The following CAGE1 variants were observed in gnomAD, a reference collection of about 807,000 sequenced individuals.
CAGE1 encodes the protein cancer-associated gene 1 protein.
A neutral mutation model predicts 94.9 loss-of-function variants in CAGE1; 66 were observed. The observed-to-expected ratio is 0.70, with a 90% CI of 0.57 to 0.85. CAGE1 has a LOEUF of 0.85. CAGE1 is among the 40% of genes least tolerant of loss of function. The pLI is 0.00. For synonymous variants in CAGE1, 319 were observed against 321.0 expected (o/e 0.99, Z 0.07); for missense variants, 865 against 950.4 (o/e 0.91, Z 1.18).
At chr6:7,388,478 G>A (rs1205831211) in intron 1 of CAGE1, among the ~76,000 whole-genome samples, 2 of 152,138 alleles carry the variant, frequency 1.3e-5, no homozygotes, top group Non-Finnish European at 1.5e-5. Context: ...AAGGGTGTTA[G>A]TGTTTGTGTT....
In CAGE1 at chr6:7,338,999, C is replaced by T. The variant is rs1462275323; in HGVS notation, c.2370-4909G>A. 9.3e-6 allele frequency: 15 copies of T among 1,606,998 alleles called. No individual in the cohort carries two copies. The Admixed American group carries it at 2.5e-4, about 27-fold the overall frequency. ...CAATCTTACCAGTTGGGTCCCAGGG[C>T]AGCATGATCTTCACCTTGATGCCCA... On this transcript the variant is annotated intron_variant, in intron 11 of 13. Transcript: ENST00000502583.
intron 11 of CAGE1, chr6:7,341,215 G>T (rs1349028431): frequency 4.5e-6 from 3 of 664,550 alleles, no homozygotes; most frequent in South Asian, 1.4e-5. Flanking sequence ...CTTGTGCTAG[G>T]TGATGCCAGA....
At chr6:7,377,619 C>T (rs1202341496) in intron 4 of CAGE1, among the ~76,000 whole-genome samples, 1 of 152,076 alleles carries the variant, frequency 6.6e-6, no homozygotes, top group Non-Finnish European at 1.5e-5. Flanking sequence ...CGCTTATAAT[C>T]CTAGCTACTC....
intron 11 of CAGE1, among the ~76,000 whole-genome samples, chr6:7,344,453 G>C (rs768634045): frequency 6.6e-6 from 1 of 152,236 alleles, no homozygotes; most frequent in Non-Finnish European, 1.5e-5. Flanking sequence ...CTGCCTTCCC[G>C]CAGGGCAGGA....
In CAGE1 at chr6:7,328,908, GTGTGTGTGTGTA is replaced by G. The variant is rs1179299359; in HGVS notation, c.2478+929_2478+940del. ...TGTGTGTGTGTGTGTGTGTGTGTGT[GTGTGTGTGTGTA>G]TATATATATATATATTTTTTTTTTT... is the stretch of plus-strand genomic sequence containing the variant. On this transcript the variant is annotated intron_variant, in intron 13 of 13. Transcript: ENST00000502583. Among the ~76,000 whole-genome samples, 153 of 83,014 alleles carry G rather than the reference GTGTGTGTGTGTA, an allele frequency of 1.8e-3. 2 individuals are homozygous for G. The highest frequency in any genetic ancestry group is 6.1e-3 in the African/African-American group (114 of 18,598). 54.5% of individuals were successfully genotyped at this position (83,014 alleles called of 152,430 possible). A position where few individuals can be genotyped will look rare whatever the true frequency, so the allele number is the denominator to read the frequency against.
chr6:7,357,582 A>G (rs1760000598), intron 9 of CAGE1, among the ~76,000 whole-genome samples: 1 of 152,310 alleles, frequency 6.6e-6, no homozygotes, highest in Admixed American at 6.5e-5. Context: ...AAGAATAGCA[A>G]AAGCTTCCTT....
At chr6:7,328,438 T>G (rs772619331) in intron 13 of CAGE1, among the ~76,000 whole-genome samples, 3 of 152,160 alleles carry the variant, frequency 2.0e-5, no homozygotes, top group Non-Finnish European at 4.4e-5. Context: ...GAGGCAGAGC[T>G]TGAGCTGACA....
At chr6:7,348,169 C>A (rs1174328658) in intron 11 of CAGE1, among the ~76,000 whole-genome samples, 2 of 152,134 alleles carry the variant, frequency 1.3e-5, no homozygotes, top group African/African-American at 4.8e-5. Context: ...TCACAGAGTC[C>A]ATTTCACCCC....
intron 11 of CAGE1, among the ~76,000 whole-genome samples, chr6:7,345,130 TATTGCTTTTAGGAGCTAGGTCC>T (rs1561851642): frequency 1.9e-4 from 8 of 41,832 alleles, no homozygotes; most frequent in East Asian, 8.4e-4. Flanking sequence ...TTTAGATCCA[TATTGCTTTTAGGAGCTAGGTCC>T]ATATTGCTTT....
chr6:7,380,332 CTCTA>C (rs1189686137), intron 3 of CAGE1, among the ~76,000 whole-genome samples: 10 of 152,194 alleles, frequency 6.6e-5, no homozygotes, highest in South Asian at 6.2e-4. Flanking sequence ...TAGCATCTCA[CTCTA>C]TCTATAGCCA....
intron 12 of CAGE1, among the ~76,000 whole-genome samples, chr6:7,330,186 A>G (rs1388246572): frequency 3.3e-5 from 5 of 152,122 alleles, no homozygotes. Flanking sequence ...TCAGGAGTTC[A>G]AGACCAGCCC....
At chr6:7,341,572 G>C in intron 11 of CAGE1, 1 of 1,104,400 alleles carries the variant, frequency 9.1e-7, no homozygotes, top group South Asian at 1.2e-5. Context: ...CTCAGGCCTA[G>C]CTTTAAGCAG....
intron 5 of CAGE1, among the ~76,000 whole-genome samples, chr6:7,372,426 G>A (rs1300739423): frequency 2.0e-5 from 3 of 149,582 alleles, no homozygotes; most frequent in Non-Finnish European, 4.4e-5. Flanking sequence ...AGCCAAGATC[G>A]TGTCACTGCA....
At chr6:7,367,104 T>G (rs1760369574) in intron 7 of CAGE1, among the ~76,000 whole-genome samples, 1 of 152,078 alleles carries the variant, frequency 6.6e-6, no homozygotes, top group Admixed American at 6.6e-5. Context: ...TCATTCAGCT[T>G]CAATAATTAA....
At chr6:7,349,944 A>G (rs551663835) in intron 11 of CAGE1, among the ~76,000 whole-genome samples, 17 of 142,716 alleles carry the variant, frequency 1.2e-4, no homozygotes, top group Non-Finnish European at 2.3e-4. Flanking sequence ...AAAAAAAAAA[A>G]AAAGAAAGAA....
intron 2 of CAGE1, among the ~76,000 whole-genome samples, chr6:7,386,714 G>A (rs1205239995): frequency 6.6e-6 from 1 of 152,268 alleles, no homozygotes; most frequent in East Asian, 1.9e-4. Flanking sequence ...AGCCTCCAGA[G>A]TAGCTGGGAT....
rs1758561143 is a variant in CAGE1, at chr6:7,326,990, A to C, written c.2479-91T>G. Reference sequence around the variant, plus strand: ...CTAAACAGCCAATTTTTTATTACATATGGAAAAGGGGTGCAAAGTAAGCCT... The same window carrying C: ...CTAAACAGCCAATTTTTTATTACATCTGGAAAAGGGGTGCAAAGTAAGCCT... On this transcript the variant is annotated intron_variant, in intron 13 of 13. Transcript: ENST00000502583. 4.6e-6 allele frequency: 4 copies of C among 874,590 alleles called. No homozygotes were observed. In the East Asian group the frequency reaches 9.7e-5, roughly 21 times the overall value. 54.2% of individuals were successfully genotyped at this position (874,590 alleles called of 1,614,324 possible).
chr6:7,344,274 T>G (rs552738276), intron 11 of CAGE1, among the ~76,000 whole-genome samples: 420 of 152,302 alleles, frequency 2.8e-3, no homozygotes, highest in Admixed American at 5.9e-3. Flanking sequence ...CAGCTGGAGT[T>G]CCGGGTAGGC....
chr6:7,337,187 T>A (rs1019116593), intron 11 of CAGE1, among the ~76,000 whole-genome samples: 1 of 151,816 alleles, frequency 6.6e-6, no homozygotes, highest in African/African-American at 2.4e-5. Context: ...ATTAGCCCAG[T>A]GTGGTGGCGT....
Sources: allele counts gnomAD v4.1 joint callset (sites outside exome capture counted in the v4.1 genomes callset), GRCh38; gene constraint gnomAD v4.1.1; transcripts MANE v1.5; gene names NCBI Gene and HGNC (gene_info 2026-07-23, HGNC 2026-07-21).